The following FBXO25 variants were observed in gnomAD, a reference collection of about 807,000 sequenced individuals.
The protein encoded by FBXO25 is F-box only protein 25.
In FBXO25, 45 loss-of-function variants were observed where a neutral mutation model predicts 51.9. That is an observed-to-expected ratio of 0.87 (90% CI 0.68 to 1.11). The LOEUF (loss-of-function observed/expected upper bound fraction) is 1.11. FBXO25 is among the 50% of genes most tolerant of loss of function. The pLI, the probability that FBXO25 is intolerant of heterozygous loss-of-function variation, is 0.00. For missense variants in FBXO25, 507 were observed against 428.5 expected (o/e 1.18, Z -1.62); for synonymous variants, 199 against 151.0 (o/e 1.32, Z -2.33).
intron 1 of FBXO25, chr8:407,309 G>T (rs1385564902): frequency 5.2e-6 from 5 of 965,760 alleles, no homozygotes; most frequent in Non-Finnish European, 6.1e-6. Context: ...TGGGGACGGG[G>T]TTGTCGCGGG....
intron 5 of FBXO25, 66 bp downstream of exon 5, chr8:435,773 A>G: frequency 6.5e-7 from 1 of 1,549,384 alleles, no homozygotes. Flanking sequence ...GAAGATTGTA[A>G]GTGTACAACG....
intron 4 of FBXO25, among the ~76,000 whole-genome samples, chr8:434,697 C>G (rs904553046): frequency 1.3e-5 from 2 of 152,122 alleles, no homozygotes; most frequent in African/African-American, 4.8e-5. Flanking sequence ...ATCTCTACAA[C>G]TTTGACATGA....
rs1243275418 is a variant in FBXO25 at position 477,605 on chromosome 8, A to G, written c.*8801A>G. 6.6e-6 allele frequency: 1 copy of G among 152,282 alleles called. No homozygotes were observed. The highest frequency in any genetic ancestry group is 6.5e-5 in the Admixed American group (1 of 15,286). The allele number at this position is 152,282 out of a possible 1,614,324, so 9.4% of individuals were successfully genotyped here. A position where few individuals can be genotyped will look rare whatever the true frequency, so the allele number is the denominator to read the frequency against. The stretch of plus-strand genomic sequence containing the variant: ...AATTTGAGGCTGCAAGGATAGGTAC[A>G]CACAGGGGAGTGAAGCAGGGCTTGG... On this transcript the variant is annotated 3_prime_UTR_variant, in exon 10 of 10. Coordinates refer to ENST00000350302, the MANE Select transcript of FBXO25 (RefSeq NM_183420.2).
intron 2 of FBXO25, chr8:420,291 T>A (rs1489157820): frequency 6.6e-6 from 1 of 152,210 alleles, no homozygotes; most frequent in Non-Finnish European, 1.5e-5. Context: ...ATCCCAGTGC[T>A]GGCAAGGACA....
At chr8:457,757 G>A (rs981072373) in intron 7 of FBXO25, among the ~76,000 whole-genome samples, 8 of 152,198 alleles carry the variant, frequency 5.3e-5, no homozygotes, top group Non-Finnish European at 7.3e-5. Flanking sequence ...GGTTCATAAC[G>A]CATACAAGCA....
intron 9 of FBXO25, among the ~76,000 whole-genome samples, chr8:465,070 G>C (rs951095535): frequency 6.6e-6 from 1 of 152,208 alleles, no homozygotes; most frequent in Non-Finnish European, 1.5e-5. Flanking sequence ...AGAAGGCACA[G>C]TATGGGGGTG....
At chr8:424,118 ATTT>A (rs36051355) in intron 2 of FBXO25, among the ~76,000 whole-genome samples, 4 of 120,610 alleles carry the variant, frequency 3.3e-5, no homozygotes, top group Non-Finnish European at 5.3e-5. Flanking sequence ...TCCTTTGCCC[ATTT>A]TTTTTTTTTT....
intron 7 of FBXO25, among the ~76,000 whole-genome samples, chr8:451,675 GATC>G (rs1387399615): frequency 5.9e-5 from 9 of 152,194 alleles, no homozygotes; most frequent in African/African-American, 2.2e-4. Context: ...AAACCAGGCT[GATC>G]CTATGGGTGA....
intron 8 of FBXO25, among the ~76,000 whole-genome samples, chr8:461,860 CCT>C (rs1799839640): frequency 6.6e-6 from 1 of 152,222 alleles, no homozygotes; most frequent in African/African-American, 2.4e-5. Context: ...ATAATATCCC[CCT>C]CTATGTATAT....
chr8:454,839 T>G (rs1477449811), intron 7 of FBXO25, among the ~76,000 whole-genome samples: 4 of 142,490 alleles, frequency 2.8e-5, no homozygotes, highest in African/African-American at 8.1e-5. Flanking sequence ...TGCAGTGAAC[T>G]GAGATCACAC....
chr8:415,097 G>C (rs1158050227), intron 2 of FBXO25, among the ~76,000 whole-genome samples: 1 of 152,016 alleles, frequency 6.6e-6, no homozygotes, highest in Non-Finnish European at 1.5e-5. Flanking sequence ...CTATATAAAT[G>C]GCCTTCTCTT....
chr8:434,397 A>G (rs1295071433), intron 4 of FBXO25, among the ~76,000 whole-genome samples: 1 of 152,210 alleles, frequency 6.6e-6, no homozygotes, highest in African/African-American at 2.4e-5. Flanking sequence ...TCAGATTATA[A>G]TCTATATCAA....
At chr8:445,902 G>A (rs1212861299) in intron 5 of FBXO25, among the ~76,000 whole-genome samples, 1 of 152,184 alleles carries the variant, frequency 6.6e-6, no homozygotes, top group African/African-American at 2.4e-5. Context: ...AGTAAGGACT[G>A]TATGTCTCAC....
intron 7 of FBXO25, among the ~76,000 whole-genome samples, chr8:454,503 A>C (rs983188797): frequency 6.6e-6 from 1 of 152,198 alleles, no homozygotes; most frequent in African/African-American, 2.4e-5. Flanking sequence ...TGAGCACATG[A>C]TGTGTCACAG....
chr8:466,145 TG>T (rs1800145780), intron 9 of FBXO25, among the ~76,000 whole-genome samples: 1 of 152,178 alleles, frequency 6.6e-6, no homozygotes, highest in Non-Finnish European at 1.5e-5. Context: ...ATCCATGCAT[TG>T]GAAGTATTCA....
At chr8:437,398 T>C (rs1453699015) in intron 5 of FBXO25, among the ~76,000 whole-genome samples, 2 of 152,224 alleles carry the variant, frequency 1.3e-5, no homozygotes, top group East Asian at 1.9e-4. Context: ...CCCAGCACCC[T>C]CACAGGTCTG....
intron 4 of FBXO25, among the ~76,000 whole-genome samples, chr8:433,388 G>A (rs1797928687): frequency 1.3e-5 from 2 of 152,158 alleles, no homozygotes; most frequent in Admixed American, 1.3e-4. Context: ...CATTTTCTCT[G>A]TGTTAGCATG....
intron 2 of FBXO25, among the ~76,000 whole-genome samples, chr8:418,922 C>A (rs767847034): frequency 7.9e-5 from 12 of 151,944 alleles, no homozygotes; most frequent in Non-Finnish European, 1.6e-4. Context: ...CTGTAAAAGG[C>A]TAAAACTGTA....
At chr8:422,956 C>T (rs938297611) in intron 2 of FBXO25, among the ~76,000 whole-genome samples, 17 of 152,154 alleles carry the variant, frequency 1.1e-4, no homozygotes, top group African/African-American at 4.1e-4. Context: ...ATGAATTATG[C>T]CTCAGGAGAG....
Sources: allele counts gnomAD v4.1 joint callset (sites outside exome capture counted in the v4.1 genomes callset), GRCh38; gene constraint gnomAD v4.1.1; transcripts MANE v1.5; gene names NCBI Gene and HGNC (gene_info 2026-07-23, HGNC 2026-07-21).